ZSCAN18: variants seen among roughly 807,000 people sequenced by gnomAD.
ZSCAN18 encodes the protein zinc finger and SCAN domain-containing protein 18.
ZSCAN18 carries 16 observed loss-of-function variants against 31.1 expected under a neutral mutation model. The observed-to-expected ratio is 0.51, with a 90% CI of 0.35 to 0.78. The LOEUF is 0.78. ZSCAN18 is among the 30% of genes least tolerant of loss of function. ZSCAN18 has a pLI of 0.01. For synonymous variants in ZSCAN18, 375 were observed against 320.7 expected (o/e 1.17, Z -1.81); for missense variants, 731 against 697.4 (o/e 1.05, Z -0.54).
At chr19:58,091,287 A>G (rs2074405467) in intron 1 of ZSCAN18, among the ~76,000 whole-genome samples, 1 of 149,454 alleles carries the variant, frequency 6.7e-6, no homozygotes, top group African/African-American at 2.5e-5. Context: ...AAAAAAAGAT[A>G]GATTATAGGG....
At chr19:58,118,252 A>G in intron 1 of ZSCAN18, 2 of 1,312,332 alleles carry the variant, frequency 1.5e-6, no homozygotes, top group South Asian at 1.5e-5. Flanking sequence ...GCCGCTCTGG[A>G]GTCCTTGACC....
intron 1 of ZSCAN18, among the ~76,000 whole-genome samples, chr19:58,113,042 G>A (rs912270907): frequency 8.0e-5 from 12 of 150,914 alleles, no homozygotes; most frequent in African/African-American, 2.4e-4. Context: ...AGGGCCAGGC[G>A]CAGTGGCTCA....
At chr19:58,099,407 C>T (rs1422874474), upstream of ZSCAN18, among the ~76,000 whole-genome samples, 1 of 152,116 alleles carries the variant, frequency 6.6e-6, no homozygotes, top group Non-Finnish European at 1.5e-5. Flanking sequence ...CTTTGAGAGG[C>T]ATTGAAGTAG....
chr19:58,092,788 T>C lies in ZSCAN18; in HGVS notation c.-119-2402A>G, dbSNP rs1050451129. On this transcript the variant is annotated intron_variant, in intron 1 of 6. Transcript: ENST00000601144. The stretch of plus-strand genomic sequence containing the variant: ...TACCTCTACTTTTTTTTTTTTTTTT[T>C]TTAAACACAGGGTCTTACTCTGTCA... 6 of 904,324 alleles carry C rather than the reference T, an allele frequency of 6.6e-6. No individual in the cohort carries two copies. In the African/African-American group the frequency reaches 9.0e-5, roughly 14 times the overall value. 56.0% of individuals were successfully genotyped at this position (904,324 alleles called of 1,614,324 possible). A position where few individuals can be genotyped will look rare whatever the true frequency, so the allele number is the denominator to read the frequency against.
In ZSCAN18 at chr19:58,084,760, C is replaced by T. The variant is rs775951653; in HGVS notation, c.1458G>A (p.Ala486=). Residue 486 remains alanine (A), a synonymous_variant, in exon 7 of 7, where the codon GCG becomes GCA. Transcript: ENST00000601144. The surrounding 1 kb of genome is among the most constrained non-coding windows in gnomAD (Gnocchi z 4.5). ...GPQPSTREAQ[A]GARAGGPPES... ...CTGGGGGACCGCCCGCCCTAGCCCC[C>T]GCCTGGGCTTCGCGGGTGGACGGTT... is the stretch of plus-strand genomic sequence containing the variant. 3 of 1,568,904 alleles carry T rather than the reference C, an allele frequency of 1.9e-6. No individual in the cohort carries two copies. The highest frequency in any genetic ancestry group is 2.6e-6 in the Non-Finnish European group (3 of 1,165,602).
intron 1 of ZSCAN18, among the ~76,000 whole-genome samples, chr19:58,094,566 T>C (rs2074483971): frequency 6.6e-6 from 1 of 152,056 alleles, no homozygotes; most frequent in Non-Finnish European, 1.5e-5. Context: ...TTTGGCATGT[T>C]CTTATGCATC....
intron 1 of ZSCAN18, among the ~76,000 whole-genome samples, chr19:58,113,378 A>G (rs1480312909): frequency 6.6e-6 from 1 of 152,050 alleles, no homozygotes; most frequent in Non-Finnish European, 1.5e-5. Flanking sequence ...AACACAGACA[A>G]AATGGGGCAG....
intron 1 of ZSCAN18, among the ~76,000 whole-genome samples, chr19:58,103,698 A>T (rs2074612332): frequency 6.6e-6 from 1 of 152,192 alleles, no homozygotes; most frequent in Non-Finnish European, 1.5e-5. Flanking sequence ...TAGGCCAGTT[A>T]ATAACCCTAC....
intron 1 of ZSCAN18, among the ~76,000 whole-genome samples, chr19:58,103,415 GTC>G (rs1441962160): frequency 6.6e-6 from 1 of 152,110 alleles, no homozygotes; most frequent in Non-Finnish European, 1.5e-5. Context: ...TGCTCTCTGT[GTC>G]TCTGTGTCAC....
At chr19:58,095,331 C>G (rs955286797) in intron 1 of ZSCAN18, among the ~76,000 whole-genome samples, 14 of 152,232 alleles carry the variant, frequency 9.2e-5, no homozygotes, top group Non-Finnish European at 2.1e-4. Flanking sequence ...CTTCCCTCAT[C>G]AGAACCTCAC....
intron 2 of ZSCAN18, 96 bp from the exon 3 acceptor site, chr19:58,088,933 C>T (rs1280064207): frequency 8.3e-7 from 1 of 1,210,398 alleles, no homozygotes; most frequent in East Asian, 2.4e-5. Context: ...GGCTCCAGGG[C>T]CACATCACTA....
At chr19:58,116,131 C>T (rs1480661319) in intron 1 of ZSCAN18, among the ~76,000 whole-genome samples, 1 of 150,346 alleles carries the variant, frequency 6.7e-6, no homozygotes, top group Non-Finnish European at 1.5e-5. Flanking sequence ...CACACGCACG[C>T]ATGCACACAC....
At chr19:58,098,789 G>C (rs55876506), upstream of ZSCAN18, among the ~76,000 whole-genome samples, 4 of 152,222 alleles carry the variant, frequency 2.6e-5, no homozygotes, top group Non-Finnish European at 5.9e-5. Flanking sequence ...TCTGGACAGA[G>C]ATACAGAGAC....
chr19:58,088,434 G>A (rs2074330576), intron 3 of ZSCAN18: 2 of 448,924 alleles, frequency 4.5e-6, no homozygotes, highest in East Asian at 7.2e-5. Flanking sequence ...CGGGGGTTGG[G>A]AGATTCTTTT....
At chr19:58,107,571 A>G (rs2074644554) in intron 1 of ZSCAN18, 2 of 799,246 alleles carry the variant, frequency 2.5e-6, no homozygotes, top group African/African-American at 3.7e-5. Flanking sequence ...CAAAAATAAA[A>G]TAAAATATTG....
At position 58,085,185 on chromosome 19, in the gene ZSCAN18, A is replaced by G. The variant is rs1030566425; in HGVS notation, c.1033T>C (p.Ser345Pro). 4 of 1,610,510 alleles carry G rather than the reference A, an allele frequency of 2.5e-6. No individual in the cohort carries two copies. The highest frequency in any genetic ancestry group is 3.4e-6 in the Non-Finnish European group (4 of 1,179,424). The change falls in exon 7 of 7, where the codon TCT (serine) becomes CCT (proline). Residue 345 changes from serine (S) to proline (P), a missense_variant. Ser to Pro is a moderately conservative substitution (Grantham distance 74). This residue lies in a region of ZSCAN18 where 597 missense variants were observed against 499.5 expected (regional missense o/e 1.20). Transcript: ENST00000601144. ...PQDPQDAESD[S>P]ATGSQRQSVI... The stretch of plus-strand genomic sequence containing the variant: ...GACTGCCTCTGCGATCCGGTGGCAG[A>G]GTCGGACTCCGCGTCCTGGGGGTCC...
chr19:58,109,571 A>C (rs993154377), intron 1 of ZSCAN18, among the ~76,000 whole-genome samples: 12 of 152,252 alleles, frequency 7.9e-5, no homozygotes, highest in African/African-American at 2.2e-4. Context: ...GTTTACTTAC[A>C]TGATGAAATA....
intron 1 of ZSCAN18, among the ~76,000 whole-genome samples, chr19:58,112,902 A>T (rs1284651760): frequency 8.1e-6 from 1 of 124,124 alleles, no homozygotes; most frequent in Non-Finnish European, 1.7e-5. Context: ...AGTGAACCAA[A>T]ATCACACCAC....
intron 1 of ZSCAN18, among the ~76,000 whole-genome samples, chr19:58,111,725 G>C (rs1330717371): frequency 6.6e-6 from 1 of 152,096 alleles, no homozygotes; most frequent in East Asian, 1.9e-4. Flanking sequence ...CAAAACAGGA[G>C]GGAACACTTC....
Sources: allele counts gnomAD v4.1 joint callset (sites outside exome capture counted in the v4.1 genomes callset), GRCh38; gene constraint gnomAD v4.1.1; regional missense constraint gnomAD v4.1.1; non-coding constraint Gnocchi (gnomAD v3.1); transcripts MANE v1.5; gene names NCBI Gene and HGNC (gene_info 2026-07-23, HGNC 2026-07-21).